The following LRRC7 variants were observed in gnomAD, a reference collection of about 807,000 sequenced individuals.
The protein encoded by LRRC7 is leucine rich repeat containing 7.
Under a neutral mutation model 175.7 loss-of-function variants are expected in LRRC7, and 23 were observed. The ratio of observed to expected loss-of-function variants is 0.13; its 90% CI spans 0.09 to 0.19. The LOEUF (loss-of-function observed/expected upper bound fraction) is 0.19. Ranked by LOEUF, LRRC7 falls within the 10% of genes least tolerant of loss-of-function variation. LRRC7 has a pLI of 1.00. For synonymous variants in LRRC7, 685 were observed against 680.9 expected, an observed-to-expected ratio of 1.01 and a Z score of -0.09; for missense variants, 1,354 against 1,904.7, an observed-to-expected ratio of 0.71 and a Z score of 5.38.
intron 7 of LRRC7, among the ~76,000 whole-genome samples, chr1:69,855,938 A>G (rs1234635156): frequency 6.6e-6 from 1 of 152,168 alleles, no homozygotes; most frequent in African/African-American, 2.4e-5. Flanking sequence ...ATCAGAGACT[A>G]GGATTGCAAC....
At chr1:69,972,258 C>T (rs1278490707) in intron 8 of LRRC7, among the ~76,000 whole-genome samples, 1 of 152,154 alleles carries the variant, frequency 6.6e-6, no homozygotes, top group African/African-American at 2.4e-5. Context: ...GCAATAAAAA[C>T]AAAGATAAAT....
chr1:69,608,426 G>A (rs1396641189), intron 1 of LRRC7: 1 of 152,026 alleles, frequency 6.6e-6, no homozygotes, highest in Admixed American at 6.6e-5. Flanking sequence ...ACTTCTGCAA[G>A]GGTATTTAGA....
chr1:69,828,950 G>A (rs1240484373), intron 5 of LRRC7, among the ~76,000 whole-genome samples: 3 of 151,650 alleles, frequency 2.0e-5, no homozygotes, highest in African/African-American at 4.8e-5. Context: ...TTGAAATAAG[G>A]GTGACTGAAA....
At chr1:69,889,835 A>G (rs895720177) in intron 7 of LRRC7, among the ~76,000 whole-genome samples, 1 of 147,258 alleles carries the variant, frequency 6.8e-6, no homozygotes, top group East Asian at 2.0e-4. Flanking sequence ...GAGAAGAAGA[A>G]GGAGAGGAGG....
intron 11 of LRRC7, among the ~76,000 whole-genome samples, chr1:69,997,779 G>C (rs1198847248): frequency 1.1e-4 from 17 of 151,746 alleles, no homozygotes; most frequent in Non-Finnish European, 2.9e-5. Context: ...TAAGCTTTTT[G>C]ATGTGCTGCT....
At chr1:69,931,656 T>C in intron 8 of LRRC7, 86 bp downstream of exon 8, 1 of 1,059,194 alleles carries the variant, frequency 9.4e-7, no homozygotes, top group Non-Finnish European at 1.4e-6. Flanking sequence ...AGGTATTAAC[T>C]TGATTGCACG....
At chr1:70,079,115 C>T (rs1191574995) in intron 24 of LRRC7, among the ~76,000 whole-genome samples, 1 of 152,016 alleles carries the variant, frequency 6.6e-6, no homozygotes, top group African/African-American at 2.4e-5. Flanking sequence ...GTGTATGTGG[C>T]TGTGTGTTTT....
intron 23 of LRRC7, among the ~76,000 whole-genome samples, chr1:70,055,725 A>G (rs1438613874): frequency 6.6e-6 from 1 of 152,136 alleles, no homozygotes; most frequent in Non-Finnish European, 1.5e-5. Flanking sequence ...ACCAGATCTC[A>G]TAAGAACCCC....
At chr1:70,116,494 C>T (rs1435928769) in intron 26 of LRRC7, among the ~76,000 whole-genome samples, 1 of 147,414 alleles carries the variant, frequency 6.8e-6, no homozygotes, top group East Asian at 2.0e-4. Context: ...TTGCAGTGAG[C>T]CAAGATCGCG....
rs774501978 is a variant in LRRC7, at chr1:70,053,121, A to G, written c.4206A>G (p.Val1402=). ...WNPYPLGRRD[V]PPDTITKKAG... ...CTTATCCACTTGGGAGGCGGGATGT[A>G]CCTCCGGACACCATTACTAAGAAGG... The change falls in exon 23 of 27, where the codon GTA becomes GTG. Residue 1402 remains valine, a synonymous_variant. Transcript: ENST00000651989. The G allele has an allele frequency of 2.4e-5, 38 of 1,608,986 alleles. No homozygotes were observed. The highest frequency in any genetic ancestry group is 3.4e-5 in the Admixed American group (2 of 59,408).
intron 20 of LRRC7, 86 bp from the exon 21 acceptor site, chr1:70,038,027 G>T: frequency 1.4e-6 from 2 of 1,476,238 alleles, no homozygotes; most frequent in Non-Finnish European, 1.8e-6. Context: ...AACAAAGGAT[G>T]ATGGCCCTCT....
chr1:69,909,680 C>G (rs1190888481), intron 7 of LRRC7, among the ~76,000 whole-genome samples: 3 of 151,986 alleles, frequency 2.0e-5, no homozygotes, highest in Admixed American at 6.6e-5. Context: ...GTAACCCGAC[C>G]TTTCTCTCTG....
At chr1:69,725,829 A>G (rs1245113806) in intron 2 of LRRC7, among the ~76,000 whole-genome samples, 2 of 152,126 alleles carry the variant, frequency 1.3e-5, no homozygotes, top group Non-Finnish European at 2.9e-5. Context: ...GCCCCACATG[A>G]CCCAGCAGCT....
At chr1:69,575,426 T>C (rs1443755558) in intron 1 of LRRC7, among the ~76,000 whole-genome samples, 2 of 152,214 alleles carry the variant, frequency 1.3e-5, no homozygotes, top group Non-Finnish European at 2.9e-5. Context: ...TTTTTGGTCT[T>C]AATTATGCCC....
intron 7 of LRRC7, among the ~76,000 whole-genome samples, chr1:69,859,445 T>C (rs1010959147): frequency 1.3e-5 from 2 of 152,072 alleles, no homozygotes; most frequent in African/African-American, 4.8e-5. Context: ...ATTACATTAA[T>C]TTATGATCCC....
chr1:70,038,701 T>C lies in LRRC7; in HGVS notation c.2877T>C (p.Gly959=). The C allele has an allele frequency of 1.2e-6, 2 of 1,614,086 alleles. No individual in the cohort carries two copies. Among genetic ancestry groups the C allele is most frequent in the Non-Finnish European group, 1.7e-6 (2 of 1,180,002 alleles). ...ACTGCCGCCCGGAATCTTCTAAAGGTGTTATTTCAATTAGCAAAAGCACAG... is the reference window on the plus strand; with the variant it reads ...ACTGCCGCCCGGAATCTTCTAAAGGCGTTATTTCAATTAGCAAAAGCACAG... ...QIHCRPESSK[G]VISISKSTER... The change falls in exon 21 of 27, where the codon GGT becomes GGC. Residue 959 remains glycine, a synonymous_variant. Transcript: ENST00000651989.
chr1:70,051,465 A>C (rs552035100), intron 22 of LRRC7, among the ~76,000 whole-genome samples: 1 of 152,162 alleles, frequency 6.6e-6, no homozygotes, highest in Admixed American at 6.6e-5. Context: ...GTGTATGGGC[A>C]TATGTAAACA....
intron 8 of LRRC7, among the ~76,000 whole-genome samples, chr1:69,946,370 C>T (rs993578193): frequency 6.6e-6 from 1 of 152,098 alleles, no homozygotes; most frequent in Non-Finnish European, 1.5e-5. Context: ...GTTTATTAAG[C>T]TGTCGTTGGG....
At chr1:69,813,902 G>A (rs1276021968) in intron 4 of LRRC7, among the ~76,000 whole-genome samples, 1 of 152,058 alleles carries the variant, frequency 6.6e-6, no homozygotes, top group Non-Finnish European at 1.5e-5. Flanking sequence ...TTTGGAATAA[G>A]ATATATTGCT....
Sources: gnomAD v4.1 joint callset for allele counts (sites outside exome capture counted in the v4.1 genomes callset) on GRCh38, gnomAD v4.1.1 for gene constraint, MANE v1.5 for transcripts, NCBI Gene and HGNC (gene_info 2026-07-23, HGNC 2026-07-21) for gene names.